Variants in DNMT3B observed in about 807,000 individuals in gnomAD.
DNMT3B encodes DNA methyltransferase 3 beta.
A neutral mutation model predicts 120.2 loss-of-function variants in DNMT3B; 37 were observed. That is an observed-to-expected ratio of 0.31 (90% CI 0.24 to 0.40). The LOEUF (loss-of-function observed/expected upper bound fraction) is 0.40, where lower values mean the gene tolerates loss of function less well. Ranked by LOEUF, DNMT3B falls within the 10% of genes least tolerant of loss-of-function variation. DNMT3B has a pLI of 1.00. For missense variants in DNMT3B, 878 were observed against 1,137.3 expected (o/e 0.77, Z 3.28); for synonymous variants, 412 against 442.8 (o/e 0.93, Z 0.87).
At chr20:32,770,470 TTTG>T (rs140053010) in intron 1 of DNMT3B, among the ~76,000 whole-genome samples, 7,749 of 151,128 alleles carry the variant, frequency 0.051, 224 homozygotes, top group South Asian at 0.074. Context: ...TGTTGGTTTG[TTTG>T]TTGTTGTTGT....
At chr20:32,798,718 G>A (rs1004728751) in intron 15 of DNMT3B, 75 bp downstream of exon 15, 1 of 1,600,782 alleles carries the variant, frequency 6.2e-7, no homozygotes, top group Non-Finnish European at 8.5e-7. Context: ...GGAATTCTCA[G>A]AAAGAGTAAT....
chr20:32,776,158 G>A (rs1988060765), intron 1 of DNMT3B, among the ~76,000 whole-genome samples: 1 of 152,006 alleles, frequency 6.6e-6, no homozygotes, highest in African/African-American at 2.4e-5. Flanking sequence ...GAACCCGGGA[G>A]GTGGAGGTTG....
Position 32,801,300 on chromosome 20 carries a change from C to T in DNMT3B, c.2019C>T (p.Phe673=), listed in dbSNP as rs780526001. 1.5e-5 allele frequency: 24 copies of T among 1,614,024 alleles called. No individual in the cohort carries two copies. Among genetic ancestry groups the T allele is most frequent in the Middle Eastern group, 3.3e-4 (2 of 6,082 alleles). ...CAGAGGGTACAGGCCGGCTCTTCTT[C>T]GAATTTTACCACCTGCTGAATTACT... The part of the protein sequence containing the change: ...GLYEGTGRLF[F]EFYHLLNYSR... The change falls in exon 19 of 23, where the codon TTC becomes TTT. Residue 673 remains phenylalanine (F), a synonymous_variant. Transcript: ENST00000328111.
At chr20:32,775,133 C>G (rs1252722974) in intron 1 of DNMT3B, among the ~76,000 whole-genome samples, 1 of 152,230 alleles carries the variant, frequency 6.6e-6, no homozygotes, top group Admixed American at 6.5e-5. Flanking sequence ...GCTGGGATTA[C>G]AGGCTTGAGC....
chr20:32,787,539 C>T (rs1227804472), intron 6 of DNMT3B, 88 bp downstream of exon 6: 26 of 1,394,858 alleles, frequency 1.9e-5, no homozygotes, highest in African/African-American at 4.3e-5. Context: ...GGTAACAGAG[C>T]GACAACAGTT....
At chr20:32,797,370 C>G (rs1287025142) in intron 14 of DNMT3B, 71 bp downstream of exon 14, 5 of 1,447,770 alleles carry the variant, frequency 3.5e-6, no homozygotes, top group East Asian at 4.5e-5. Flanking sequence ...AGTCTGCAGA[C>G]AGCTGTCTGT....
At chr20:32,789,033 G>A (rs761422208) in intron 7 of DNMT3B, 21 bp downstream of exon 7, 18 of 1,613,052 alleles carry the variant, frequency 1.1e-5, no homozygotes, top group East Asian at 4.5e-5. Context: ...GGAAGGGCAA[G>A]GGGTTCTGCA....
In DNMT3B at chr20:32,784,773, G is replaced by A; in HGVS notation, c.220G>A (p.Gly74Ser). Reference sequence around the variant, plus strand: ...CCTTATAAAGGACTTGACAGGCGATGGCGACGGGGAAGATGGGGATGGCTC... The same window carrying A: ...CCTTATAAAGGACTTGACAGGCGATAGCGACGGGGAAGATGGGGATGGCTC... ...LSYTQDLTGD[G>S]DGEDGDGSDT... is the part of the protein sequence containing the mutation. The change falls in exon 4 of 23, where the codon GGC (glycine) becomes AGC (serine). Residue 74 changes from glycine (G) to serine (S), a missense_variant. Gly to Ser is a moderately conservative substitution (Grantham distance 56). Coordinates refer to ENST00000328111, the MANE Select transcript of DNMT3B (RefSeq NM_006892.4). The A allele has an allele frequency of 6.2e-7, 1 of 1,614,116 alleles. No individual in the cohort carries two copies. The highest frequency in any genetic ancestry group is 2.2e-5 in the East Asian group (1 of 44,876).
intron 2 of DNMT3B, among the ~76,000 whole-genome samples, chr20:32,780,982 A>T (rs1413730061): frequency 6.6e-6 from 1 of 152,158 alleles, no homozygotes; most frequent in Non-Finnish European, 1.5e-5. Context: ...ATTGTTCCCC[A>T]CAATAGCCAC....
intron 8 of DNMT3B, 118 bp from the exon 9 acceptor site, chr20:32,792,508 G>T: frequency 1.9e-6 from 3 of 1,559,122 alleles, no homozygotes; most frequent in Non-Finnish European, 2.6e-6. Context: ...CAGCTGTCTG[G>T]CTATGAAAGG....
rs1454098235 is a variant in DNMT3B, at chr20:32,762,517, G to A, written c.-189G>A. The A allele has an allele frequency of 1.7e-5, 5 of 302,716 alleles. No individual in the cohort carries two copies. Among genetic ancestry groups the A allele is most frequent in the Non-Finnish European group, 2.7e-5 (4 of 146,546 alleles). 18.8% of individuals were successfully genotyped at this position (302,716 alleles called of 1,614,324 possible). A position where few individuals can be genotyped will look rare whatever the true frequency, so the allele number is the denominator to read the frequency against. ...GACCGGCTCCCTGGCGGTCGGGCGA[G>A]CGGGCGGCAACGCTGCCCGGCCGGC... On this transcript the variant is annotated 5_prime_UTR_variant, in exon 1 of 23. Coordinates refer to ENST00000328111, the MANE Select transcript of DNMT3B (RefSeq NM_006892.4).
chr20:32,780,418 C>A lies in DNMT3B; in HGVS notation c.95C>A (p.Ser32Tyr), dbSNP rs1376823517. 1 of 1,613,836 alleles carries A rather than the reference C, an allele frequency of 6.2e-7. No homozygotes were observed. Among genetic ancestry groups the A allele is most frequent in the South Asian group, 1.1e-5 (1 of 91,072 alleles). The part of the protein sequence containing the change: ...LVNGACSDQS[S>Y]DSPPILEAIR... ...AACGGGGCCTGCAGCGACCAGTCCT[C>A]CGACTCGCCCCCAATCCTGGAGGCT... The change falls in exon 2 of 23, where the codon TCC becomes TAC. Residue 32 changes from serine to tyrosine, a missense_variant. Coordinates refer to ENST00000328111, the MANE Select transcript of DNMT3B (RefSeq NM_006892.4).
intron 1 of DNMT3B, among the ~76,000 whole-genome samples, chr20:32,776,599 G>A (rs1988083614): frequency 6.6e-6 from 1 of 152,154 alleles, no homozygotes; most frequent in Non-Finnish European, 1.5e-5. Context: ...GAGGTAGTAT[G>A]TCAGTCTCTG....
chr20:32,792,505 C>T, intron 8 of DNMT3B, 121 bp from the exon 9 acceptor site: 1 of 1,544,938 alleles, frequency 6.5e-7, no homozygotes, highest in Non-Finnish European at 8.9e-7. Flanking sequence ...GGACAGCTGT[C>T]TGGCTATGAA....
At chr20:32,778,120 C>T (rs988123165) in intron 1 of DNMT3B, among the ~76,000 whole-genome samples, 1 of 152,138 alleles carries the variant, frequency 6.6e-6, no homozygotes, top group Non-Finnish European at 1.5e-5. Context: ...GGGCAGATCA[C>T]GAGGACAAGA....
At chr20:32,774,126 C>T (rs1257118099) in intron 1 of DNMT3B, among the ~76,000 whole-genome samples, 1 of 151,962 alleles carries the variant, frequency 6.6e-6, no homozygotes, top group Non-Finnish European at 1.5e-5. Context: ...GCTGTCCCTG[C>T]TGCCTGGATC....
intron 1 of DNMT3B, chr20:32,780,095 C>T (rs907253494): frequency 6.2e-7 from 1 of 1,612,846 alleles, no homozygotes. Flanking sequence ...GGCGTCTGAG[C>T]CTTCGGGACA....
In DNMT3B at chr20:32,805,901, C is replaced by A. The variant is rs73615610; in HGVS notation, c.2302-308C>A. ...GTCTTCTTGGCCCCCCACGTGATCT[C>A]GTTCATGGTCACTTTTTTGTTTATC... On this transcript the variant is annotated intron_variant, in intron 21 of 22. Transcript: ENST00000328111. Among the ~76,000 whole-genome samples the A allele has an allele frequency of 4.9e-4, 75 of 152,240 alleles. No homozygotes were observed. The East Asian group carries it at 0.014, about 28-fold the overall frequency.
chr20:32,775,181 T>C (rs545177040), intron 1 of DNMT3B, among the ~76,000 whole-genome samples: 10 of 152,298 alleles, frequency 6.6e-5, no homozygotes, highest in African/African-American at 2.4e-4. Context: ...ACATAGGCTG[T>C]GGAGGTGGAA....
Sources: allele counts gnomAD v4.1 joint callset (sites outside exome capture counted in the v4.1 genomes callset), GRCh38; gene constraint gnomAD v4.1.1; transcripts MANE v1.5; gene names NCBI Gene and HGNC (gene_info 2026-07-23, HGNC 2026-07-21).